The following SHPRH variants were observed in gnomAD, a reference collection of about 807,000 sequenced individuals.
SHPRH encodes E3 ubiquitin-protein ligase SHPRH.
Under a neutral mutation model 202.5 loss-of-function variants are expected in SHPRH, and 106 were observed. The observed-to-expected ratio is 0.52, with a 90% CI of 0.45 to 0.62. The LOEUF is 0.62. Ranked by LOEUF, SHPRH falls within the 20% of genes least tolerant of loss-of-function variation. The pLI, the probability that SHPRH is intolerant of heterozygous loss-of-function variation, is 0.00. For missense variants in SHPRH, 1,710 were observed against 2,020.0 expected, an observed-to-expected ratio of 0.85 and a Z score of 2.94; for synonymous variants, 729 against 686.0, an observed-to-expected ratio of 1.06 and a Z score of -0.98.
At chr6:145,913,659 T>C (rs1783694567) in intron 23 of SHPRH, 110 bp from the exon 24 acceptor site, 1 of 773,494 alleles carries the variant, frequency 1.3e-6, no homozygotes, top group African/African-American at 1.8e-5. Context: ...ACAATTTACA[T>C]AATCTAACAA....
downstream of SHPRH, chr6:145,884,688 T>C (rs1780840696): frequency 2.0e-5 from 3 of 152,174 alleles, no homozygotes. Context: ...TTTTAAGATG[T>C]AATAAATGTA....
Position 145,945,549 on chromosome 6 carries a change from A to G in SHPRH, c.1410T>C (p.Ser470=), listed in dbSNP as rs552407723. ...TCCGTTGAACATCGTATCTATATATAGAACTGACATACTTATAGATGGAAA... is the reference window on the plus strand; with the variant it reads ...TCCGTTGAACATCGTATCTATATATGGAACTGACATACTTATAGATGGAAA... ...SILSIYKYVS[S]IYRYDVQRNR... Residue 470 remains serine (S), a synonymous_variant, in exon 8 of 30, where the codon TCT becomes TCC. Transcript: ENST00000275233. 2 of 1,613,212 alleles carry G rather than the reference A, an allele frequency of 1.2e-6. No individual in the cohort carries two copies. The highest frequency in any genetic ancestry group is 2.2e-5 in the East Asian group (1 of 44,816).
At position 145,894,205 on chromosome 6, in the gene SHPRH, G is replaced by C; in HGVS notation, c.4640C>G (p.Ala1547Gly). Reference sequence around the variant, plus strand: ...AAATTCCATGTTGTTGTCAGTAAGAGCTTTTGAAATAATATCTAATACATC... The same window carrying C: ...AAATTCCATGTTGTTGTCAGTAAGACCTTTTGAAATAATATCTAATACATC... ...WQDVLDIISK[A>G]LTDNNMEFAQ... The change falls in exon 27 of 30, where the codon GCT becomes GGT. Residue 1547 changes from alanine (A) to glycine (G), a missense_variant. By Grantham distance (60) the Ala-to-Gly change is moderately conservative (BLOSUM62 0). This residue lies in a region of SHPRH where 306 missense variants were observed against 479.5 expected (regional missense o/e 0.64). Transcript: ENST00000275233. The C allele has an allele frequency of 6.2e-7, 1 of 1,603,788 alleles. No homozygotes were observed. Among genetic ancestry groups the C allele is most frequent in the Non-Finnish European group, 8.5e-7 (1 of 1,175,872 alleles).
At position 145,943,892 on chromosome 6, in the gene SHPRH, T is replaced by A. The variant is rs1787078443; in HGVS notation, c.1579-90A>T. 5 of 1,221,834 alleles carry A rather than the reference T, an allele frequency of 4.1e-6. No individual in the cohort carries two copies. The South Asian group carries it at 7.8e-5, about 19-fold the overall frequency. 75.7% of individuals were successfully genotyped at this position (1,221,834 alleles called of 1,614,324 possible). ...TTTATGTAAGTACTTCATATAATTATGTAGCAGCCAGTCTTTGCTACCCTT... is the reference window on the plus strand; with the variant it reads ...TTTATGTAAGTACTTCATATAATTAAGTAGCAGCCAGTCTTTGCTACCCTT... On this transcript the variant is annotated intron_variant, in intron 8 of 29. Transcript: ENST00000275233.
chr6:145,952,409 T>G lies in SHPRH; in HGVS notation c.703A>C (p.Lys235Gln). Reference sequence around the variant, plus strand: ...TTCTTCATGAGCTGATTGAACTTTTTCATTCTTGAATTTGCATCACTCAAG... The same window carrying G: ...TTCTTCATGAGCTGATTGAACTTTTGCATTCTTGAATTTGCATCACTCAAG... Reference protein sequence around the residue: ...DFLSDANSRMKKFNQLMKKVM... With the variant: ...DFLSDANSRMQKFNQLMKKVM... Residue 235 changes from lysine to glutamine, a missense_variant, in exon 3 of 30, where the codon AAA becomes CAA. Lys to Gln is a moderately conservative substitution (Grantham distance 53). Coordinates refer to ENST00000275233, the MANE Select transcript of SHPRH (RefSeq NM_001042683.3). 1 of 1,611,302 alleles carries G rather than the reference T, an allele frequency of 6.2e-7. No homozygotes were observed. Among genetic ancestry groups the G allele is most frequent in the Non-Finnish European group, 8.5e-7 (1 of 1,178,452 alleles).
chr6:145,910,422 T>G (rs376764832), intron 25 of SHPRH, 26 bp downstream of exon 25: 23 of 1,609,992 alleles, frequency 1.4e-5, no homozygotes, highest in Non-Finnish European at 1.9e-5. Context: ...TTACCTATGC[T>G]TCTATGTGTT....
intron 25 of SHPRH, among the ~76,000 whole-genome samples, chr6:145,901,363 C>T (rs1041898409): frequency 3.9e-5 from 6 of 151,990 alleles, no homozygotes; most frequent in Non-Finnish European, 1.5e-5. Flanking sequence ...TTCAAATCTG[C>T]CAGCTTCTGA....
At chr6:145,900,550 A>G (rs1390515952) in intron 25 of SHPRH, among the ~76,000 whole-genome samples, 1 of 152,114 alleles carries the variant, frequency 6.6e-6, no homozygotes, top group African/African-American at 2.4e-5. Context: ...AGTTAGACAG[A>G]AGGAACAGAT....
intron 2 of SHPRH, among the ~76,000 whole-genome samples, chr6:145,876,288 CATT>C (rs1780299475): frequency 6.6e-6 from 1 of 152,106 alleles, no homozygotes; most frequent in African/African-American, 2.4e-5. Context: ...GCAGGAGGAT[CATT>C]TAAGCCCAGG....
intron 11 of SHPRH, among the ~76,000 whole-genome samples, chr6:145,936,315 T>C (rs1410932902): frequency 6.6e-6 from 1 of 152,092 alleles, no homozygotes. Context: ...ATGAAGACTA[T>C]GAGTGTAATT....
chr6:145,896,799 T>A (rs924730902), intron 25 of SHPRH, among the ~76,000 whole-genome samples: 1 of 152,046 alleles, frequency 6.6e-6, no homozygotes, highest in African/African-American at 2.4e-5. Context: ...TGAACATTCA[T>A]TGGGTCAATG....
At position 145,926,282 on chromosome 6, in the gene SHPRH, G is replaced by A; in HGVS notation, c.3216C>T (p.Thr1072=). The change falls in exon 16 of 30, where the codon ACC becomes ACT. Residue 1072 remains threonine (T), a synonymous_variant. Transcript: ENST00000275233. ...KTDSLQRLHA[T]HNLMELLIAR... ...CTATCAACAATTCCATCAAGTTATG[G>A]GTAGCATGAAGTCTCTACAAACATA... 6.2e-7 allele frequency: 1 copy of A among 1,612,606 alleles called. No individual in the cohort carries two copies. Among genetic ancestry groups the A allele is most frequent in the South Asian group, 1.1e-5 (1 of 91,010 alleles).
chr6:145,932,934 G>A (rs953853101), intron 14 of SHPRH, 123 bp downstream of exon 14: 2 of 1,092,436 alleles, frequency 1.8e-6, no homozygotes, highest in African/African-American at 1.6e-5. Context: ...ATATTCAGTA[G>A]TGTGTGAGAG....
At chr6:145,921,452 C>T in intron 20 of SHPRH, 60 bp from the exon 21 acceptor site, 1 of 1,468,462 alleles carries the variant, frequency 6.8e-7, no homozygotes, top group Non-Finnish European at 9.5e-7. Flanking sequence ...AAGCAACCTT[C>T]AATGTGAGTT....
rs1161958462 is a variant in SHPRH at position 145,947,635 on chromosome 6, C to T, written c.1070G>A (p.Arg357His). 6.8e-6 allele frequency: 11 copies of T among 1,611,798 alleles called. No homozygotes were observed. Among genetic ancestry groups the T allele is most frequent in the Admixed American group, 1.7e-5 (1 of 59,736 alleles). The change falls in exon 6 of 30, where the codon CGT becomes CAT. Residue 357 changes from arginine to histidine, a missense_variant. Coordinates refer to ENST00000275233, the MANE Select transcript of SHPRH (RefSeq NM_001042683.3). ...YYNPYTGCII[R>H]EYPNSGPQLL... ...CTGCGGCCCAGAATTTGGGTACTCACGAATGATGCTGAGGAAAAAAACAAG... is the reference window on the plus strand; with the variant it reads ...CTGCGGCCCAGAATTTGGGTACTCATGAATGATGCTGAGGAAAAAAACAAG...
chr6:145,910,388 T>C, intron 25 of SHPRH, 60 bp downstream of exon 25: 1 of 1,558,206 alleles, frequency 6.4e-7, no homozygotes. Flanking sequence ...CTTAATCAGA[T>C]ACTGCTTCCT....
chr6:145,873,175 C>T (rs1018390976), intron 2 of SHPRH, among the ~76,000 whole-genome samples: 6 of 151,808 alleles, frequency 4.0e-5, no homozygotes, highest in African/African-American at 1.2e-4. Flanking sequence ...TATCCCTGAA[C>T]TTAAAATAAA....
Position 145,886,755 on chromosome 6 carries a change from G to T in SHPRH, c.4988C>A (p.Ala1663Asp). Reference sequence around the variant, plus strand: ...CAGGTCAGCCACAGTCAAGACAGAGGCCTCTGAATGCTTTGCTGATGAGTT... The same window carrying T: ...CAGGTCAGCCACAGTCAAGACAGAGTCCTCTGAATGCTTTGCTGATGAGTT... Reference protein sequence around the residue: ...HTNSSAKHSEASVLTVADLAD... With the variant: ...HTNSSAKHSEDSVLTVADLAD... Residue 1663 changes from alanine to aspartate, a missense_variant, in exon 30 of 30, where the codon GCC becomes GAC. By Grantham distance (126) the Ala-to-Asp change is moderately radical. Coordinates refer to ENST00000275233, the MANE Select transcript of SHPRH (RefSeq NM_001042683.3). 6.2e-7 allele frequency: 1 copy of T among 1,613,646 alleles called. No homozygotes were observed. The highest frequency in any genetic ancestry group is 1.3e-5 in the African/African-American group (1 of 74,980).
chr6:145,917,443 T>C (rs1784054623), intron 23 of SHPRH: 1 of 152,158 alleles, frequency 6.6e-6, no homozygotes, highest in South Asian at 2.1e-4. Flanking sequence ...TGTCTAACTT[T>C]TCATTTTGTC....
Sources: gnomAD v4.1 joint callset for allele counts (sites outside exome capture counted in the v4.1 genomes callset) on GRCh38, gnomAD v4.1.1 for gene constraint, gnomAD v4.1.1 regional missense constraint, MANE v1.5 for transcripts, NCBI Gene and HGNC (gene_info 2026-07-23, HGNC 2026-07-21) for gene names.